The following ADGRB3 variants were observed in gnomAD, a reference collection of about 807,000 sequenced individuals.
The protein encoded by ADGRB3 is brain-specific angiogenesis inhibitor 3.
Under a neutral mutation model 193.4 loss-of-function variants are expected in ADGRB3, and 37 were observed. The observed-to-expected ratio is 0.19, with a 90% CI of 0.15 to 0.25. The LOEUF (loss-of-function observed/expected upper bound fraction) is 0.25, where lower values mean the gene tolerates loss of function less well. Ranked by LOEUF, ADGRB3 falls within the 10% of genes least tolerant of loss-of-function variation. The pLI is 1.00. For synonymous variants in ADGRB3, 690 were observed against 644.2 expected (o/e 1.07, Z -1.08); for missense variants, 1,637 against 1,852.9 (o/e 0.88, Z 2.14).
chr6:69,165,340 A>G (rs940369503), intron 17 of ADGRB3, among the ~76,000 whole-genome samples: 6 of 152,050 alleles, frequency 3.9e-5, no homozygotes, highest in Non-Finnish European at 7.4e-5. Context: ...CAAAATATGT[A>G]GGACACAAGA....
chr6:68,956,341 A>G (rs1027577943), intron 7 of ADGRB3, among the ~76,000 whole-genome samples, 153 bp downstream of exon 7: 2 of 151,702 alleles, frequency 1.3e-5, no homozygotes, highest in African/African-American at 4.8e-5. Flanking sequence ...ACATGTATTT[A>G]TTAATGAAGC....
At chr6:68,929,126 C>A (rs1164987983) in intron 3 of ADGRB3, among the ~76,000 whole-genome samples, 1 of 152,108 alleles carries the variant, frequency 6.6e-6, no homozygotes, top group Non-Finnish European at 1.5e-5. Flanking sequence ...ATGGATTTTA[C>A]AAGGTCAAAC....
In ADGRB3 at chr6:69,040,381, C is replaced by CTTTCTTTCTT. The variant is rs1383554780; in HGVS notation, c.2108-7803_2108-7802insTTCTTTCTTT. Among the ~76,000 whole-genome samples, 391 of 55,968 alleles carry CTTTCTTTCTT rather than the reference C, an allele frequency of 7.0e-3. 22 individuals carry two copies. The highest frequency in any genetic ancestry group is 0.042 in the East Asian group (85 of 2,008). 36.7% of individuals were successfully genotyped at this position (55,968 alleles called of 152,430 possible). A position where few individuals can be genotyped will look rare whatever the true frequency, so the allele number is the denominator to read the frequency against. The stretch of plus-strand genomic sequence containing the variant: ...TCTTTCTTTCTTTCTTTCTTTCCTT[C>CTTTCTTTCTT]TCTCTCTTTCTTTCCTTCACGCAGG... On this transcript the variant is annotated intron_variant, in intron 13 of 31. Coordinates refer to ENST00000370598, the MANE Select transcript of ADGRB3 (RefSeq NM_001704.3).
chr6:68,915,159 A>G (rs6923607), intron 3 of ADGRB3, among the ~76,000 whole-genome samples: 2,791 of 152,274 alleles, frequency 0.018, 75 homozygotes, highest in African/African-American at 0.064. Flanking sequence ...TGACTTGGCC[A>G]TCAATTTGAC....
intron 3 of ADGRB3, among the ~76,000 whole-genome samples, chr6:68,743,926 G>A (rs1766031059): frequency 6.6e-6 from 1 of 151,714 alleles, no homozygotes; most frequent in South Asian, 2.1e-4. Context: ...AATGGTTAGA[G>A]CCCTCCTCCT....
At chr6:68,769,772 A>C (rs1766579939) in intron 3 of ADGRB3, among the ~76,000 whole-genome samples, 1 of 152,136 alleles carries the variant, frequency 6.6e-6, no homozygotes, top group African/African-American at 2.4e-5. Context: ...TTTCTTCCTA[A>C]ACGAAGTTCT....
chr6:68,661,650 T>A (rs867195832), intron 3 of ADGRB3, among the ~76,000 whole-genome samples: 2 of 148,894 alleles, frequency 1.3e-5, no homozygotes, highest in Non-Finnish European at 1.5e-5. Context: ...AAGAAACAGC[T>A]TTAAATAAAG....
At chr6:68,812,304 A>G (rs1767527345) in intron 3 of ADGRB3, among the ~76,000 whole-genome samples, 1 of 150,244 alleles carries the variant, frequency 6.7e-6, no homozygotes, top group South Asian at 2.1e-4. Flanking sequence ...TACATTATTC[A>G]TTGTGATTAA....
intron 17 of ADGRB3, among the ~76,000 whole-genome samples, chr6:69,167,426 T>C (rs1775158364): frequency 6.6e-6 from 1 of 152,144 alleles, no homozygotes; most frequent in African/African-American, 2.4e-5. Context: ...AAAAACTGTC[T>C]CTTCCTGAAG....
At chr6:69,207,087 C>G (rs531545736) in intron 17 of ADGRB3, among the ~76,000 whole-genome samples, 20 of 152,318 alleles carry the variant, frequency 1.3e-4, no homozygotes, top group South Asian at 8.3e-4. Context: ...AACACTGTTA[C>G]TCCCTTCTAA....
chr6:68,757,458 C>T (rs1766317998), intron 3 of ADGRB3, among the ~76,000 whole-genome samples: 1 of 152,014 alleles, frequency 6.6e-6, no homozygotes, highest in African/African-American at 2.4e-5. Flanking sequence ...GTCTGACTGA[C>T]TTTTAGTTTA....
intron 28 of ADGRB3, among the ~76,000 whole-genome samples, chr6:69,358,229 T>C (rs902057871): frequency 1.3e-5 from 2 of 151,874 alleles, no homozygotes; most frequent in Admixed American, 6.6e-5. Flanking sequence ...GAGAACTTAT[T>C]AGAAATGCAT....
chr6:68,706,577 A>G lies in ADGRB3; in HGVS notation c.757+67145A>G, dbSNP rs201739103. Reference sequence around the variant, plus strand: ...TCATATTCTGGCTCTGCCACTTACTAGCAATGTGACCTTGGGCAAGTTACT... The same window carrying G: ...TCATATTCTGGCTCTGCCACTTACTGGCAATGTGACCTTGGGCAAGTTACT... On this transcript the variant is annotated intron_variant, in intron 3 of 31. Coordinates refer to ENST00000370598, the MANE Select transcript of ADGRB3 (RefSeq NM_001704.3). Among the ~76,000 whole-genome samples the G allele has an allele frequency of 6.6e-5, 10 of 152,282 alleles. No homozygotes were observed. The East Asian group carries it at 1.9e-3, about 29-fold the overall frequency.
intron 20 of ADGRB3, among the ~76,000 whole-genome samples, chr6:69,300,120 C>T (rs1767917901): frequency 6.6e-6 from 1 of 151,782 alleles, no homozygotes; most frequent in African/African-American, 2.4e-5. Context: ...AATGATTCAT[C>T]ACAATCAAGT....
intron 20 of ADGRB3, among the ~76,000 whole-genome samples, chr6:69,247,659 C>A (rs928443466): frequency 2.6e-5 from 4 of 152,164 alleles, no homozygotes; most frequent in African/African-American, 9.7e-5. Context: ...GTTATCAATT[C>A]CTGATCAACC....
intron 6 of ADGRB3, among the ~76,000 whole-genome samples, chr6:68,954,526 C>T (rs1018485744): frequency 6.6e-6 from 1 of 152,110 alleles, no homozygotes; most frequent in East Asian, 1.9e-4. Flanking sequence ...TCTTACCACC[C>T]GTTCCTAGTA....
chr6:69,289,237 C>A (rs905969708), intron 20 of ADGRB3, among the ~76,000 whole-genome samples: 2 of 152,120 alleles, frequency 1.3e-5, no homozygotes, highest in African/African-American at 4.8e-5. Context: ...TCTTGAGCTG[C>A]CTCACACATC....
chr6:69,357,848 G>C (rs781579130), intron 28 of ADGRB3, among the ~76,000 whole-genome samples: 34 of 151,706 alleles, frequency 2.2e-4, no homozygotes, highest in Non-Finnish European at 3.5e-4. Flanking sequence ...CTAGTGCTTG[G>C]TTTCCAGAAT....
chr6:69,027,773 T>C (rs945571730), intron 13 of ADGRB3, among the ~76,000 whole-genome samples: 3 of 152,218 alleles, frequency 2.0e-5, no homozygotes, highest in African/African-American at 4.8e-5. Flanking sequence ...GCTGAAGATA[T>C]TTTAGTTGTT....
Sources: gnomAD v4.1 joint callset for allele counts (sites outside exome capture counted in the v4.1 genomes callset) on GRCh38, gnomAD v4.1.1 for gene constraint, MANE v1.5 for transcripts, NCBI Gene and HGNC (gene_info 2026-07-23, HGNC 2026-07-21) for gene names.